SLC36A3: variants seen among roughly 807,000 people sequenced by gnomAD.
SLC36A3 encodes the protein proton-coupled amino acid transporter 3.
SLC36A3 carries 35 observed loss-of-function variants against 44.3 expected under a neutral mutation model. The ratio of observed to expected loss-of-function variants is 0.79; its 90% CI spans 0.60 to 1.05. SLC36A3 has a LOEUF of 1.05. SLC36A3 is among the 50% of genes least tolerant of loss of function. SLC36A3 has a pLI of 0.00. For synonymous variants in SLC36A3, 211 were observed against 227.6 expected (o/e 0.93, Z 0.66); for missense variants, 540 against 578.7 (o/e 0.93, Z 0.69).
At chr5:151,283,709 A>G (rs977927316) in intron 8 of SLC36A3, among the ~76,000 whole-genome samples, 1 of 152,262 alleles carries the variant, frequency 6.6e-6, no homozygotes, top group African/African-American at 2.4e-5. Context: ...GCTAACGCTC[A>G]TGAATGCTTA....
intron 3 of SLC36A3, among the ~76,000 whole-genome samples, chr5:151,294,356 G>T (rs1754881526): frequency 6.6e-6 from 1 of 152,214 alleles, no homozygotes; most frequent in African/African-American, 2.4e-5. Flanking sequence ...GAATCTGAGG[G>T]TTGCAAATTC....
In SLC36A3 at chr5:151,277,593, C is replaced by T. The variant is rs150493934; in HGVS notation, c.1213G>A (p.Ala405Thr). ...ISLVGSVSSS[A>T]LALIIPALLE... ...AGGGCTGGGATGATGAGAGCCAGGG[C>T]GCTGCTGCTCACGGAGCCTACCAGG... The change falls in exon 10 of 10, where the codon GCC becomes ACC. Residue 405 changes from alanine to threonine, a missense_variant. By Grantham distance (58) the Ala-to-Thr change is moderately conservative. Coordinates refer to ENST00000335230, the MANE Select transcript of SLC36A3 (RefSeq NM_181774.4). 3.7e-5 allele frequency: 60 copies of T among 1,614,032 alleles called. No homozygotes were observed. Among genetic ancestry groups the T allele is most frequent in the Non-Finnish European group, 4.2e-5 (50 of 1,180,038 alleles).
chr5:151,303,309 C>A lies in SLC36A3; in HGVS notation c.46G>T (p.Asp16Tyr). ...RDYNSELNSL[D>Y]NGPQSPSESS... is the part of the protein sequence containing the mutation. ...TCTGAGGGTGACTGAGGTCCGTTGT[C>A]CAAGGAGTTCAGCTCACTGTTGTAG... Residue 16 changes from aspartate (D) to tyrosine (Y), a missense_variant, in exon 1 of 10, where the codon GAC becomes TAC. By Grantham distance (160) the Asp-to-Tyr change is radical. Transcript: ENST00000335230. 6.2e-7 allele frequency: 1 copy of A among 1,614,092 alleles called. No individual in the cohort carries two copies. The highest frequency in any genetic ancestry group is 1.1e-5 in the South Asian group (1 of 91,068).
intron 8 of SLC36A3, among the ~76,000 whole-genome samples, chr5:151,283,776 C>A (rs147285101): frequency 1.3e-5 from 2 of 152,356 alleles, no homozygotes; most frequent in South Asian, 4.1e-4. Context: ...TTAATCCCCA[C>A]GGTCACTGCA....
At chr5:151,283,117 C>A (rs934106735) in intron 8 of SLC36A3, among the ~76,000 whole-genome samples, 1 of 152,134 alleles carries the variant, frequency 6.6e-6, no homozygotes, top group African/African-American at 2.4e-5. Flanking sequence ...AACTCCTGAC[C>A]TCAGGTGATC....
At position 151,283,892 on chromosome 5, in the gene SLC36A3, C is replaced by G. The variant is rs563555845; in HGVS notation, c.974+152G>C. Reference sequence around the variant, plus strand: ...GAGTGAGGTGCGGCCATGTGGCTTGCTTTGACTGATGCAGTGTGAGCAGGA... The same window carrying G: ...GAGTGAGGTGCGGCCATGTGGCTTGGTTTGACTGATGCAGTGTGAGCAGGA... On this transcript the variant is annotated intron_variant, in intron 8 of 9. Coordinates refer to ENST00000335230, the MANE Select transcript of SLC36A3 (RefSeq NM_181774.4). 73 of 961,866 alleles carry G rather than the reference C, an allele frequency of 7.6e-5. No homozygotes were observed. The African/African-American group carries it at 1.2e-3, about 15-fold the overall frequency. 59.6% of individuals were successfully genotyped at this position (961,866 alleles called of 1,614,324 possible).
chr5:151,276,499 T>A lies in SLC36A3; in HGVS notation c.*894A>T, dbSNP rs1580797585. Among the ~76,000 whole-genome samples, 3 of 152,386 alleles carry A rather than the reference T, an allele frequency of 2.0e-5. No individual in the cohort carries two copies. The highest frequency in any genetic ancestry group is 4.1e-4 in the South Asian group (2 of 4,830). On this transcript the variant is annotated 3_prime_UTR_variant, in exon 10 of 10. Coordinates refer to ENST00000335230, the MANE Select transcript of SLC36A3 (RefSeq NM_181774.4). ...CATCACAATTTATTTATCCATTCTC[T>A]TGTTTATAGACATTTAGAGTATTTC...
chr5:151,303,537 C>A lies in SLC36A3; in HGVS notation c.-183G>T. 1.8e-6 allele frequency: 1 copy of A among 562,196 alleles called. No homozygotes were observed. The highest frequency in any genetic ancestry group is 3.0e-6 in the Non-Finnish European group (1 of 331,010). The allele number at this position is 562,196 out of a possible 1,614,324, so 34.8% of individuals were successfully genotyped here. A position where few individuals can be genotyped will look rare whatever the true frequency, so the allele number is the denominator to read the frequency against. On this transcript the variant is annotated 5_prime_UTR_variant, in exon 1 of 10. Transcript: ENST00000335230. ...AGGGAAGCGGTGGTGGCAGGAGAGG[C>A]TGATGTTGATGATGCCTCACCTGGC... is the stretch of plus-strand genomic sequence containing the variant.
chr5:151,285,606 A>G (rs1754507960), intron 6 of SLC36A3, among the ~76,000 whole-genome samples: 1 of 152,196 alleles, frequency 6.6e-6, no homozygotes, highest in Non-Finnish European at 1.5e-5. Context: ...CTAATCCCCA[A>G]AAGATGAGAG....
At position 151,277,585 on chromosome 5, in the gene SLC36A3, A is replaced by G; in HGVS notation, c.1221T>C (p.Ala407=). The change falls in exon 10 of 10, where the codon GCT becomes GCC. Residue 407 remains alanine, a synonymous_variant. Coordinates refer to ENST00000335230, the MANE Select transcript of SLC36A3 (RefSeq NM_181774.4). The part of the protein sequence containing the change: ...LVGSVSSSAL[A]LIIPALLEIV... The stretch of plus-strand genomic sequence containing the variant: ...TCTCCAGGAGGGCTGGGATGATGAG[A>G]GCCAGGGCGCTGCTGCTCACGGAGC... 1 of 1,614,198 alleles carries G rather than the reference A, an allele frequency of 6.2e-7. No individual in the cohort carries two copies. The highest frequency in any genetic ancestry group is 1.1e-5 in the South Asian group (1 of 91,084).
At position 151,303,215 on chromosome 5, in the gene SLC36A3, G is replaced by A. The variant is rs1277357800; in HGVS notation, c.128+12C>T. 2 of 1,608,344 alleles carry A rather than the reference G, an allele frequency of 1.2e-6. No individual in the cohort carries two copies. The highest frequency in any genetic ancestry group is 1.3e-5 in the African/African-American group (1 of 74,962). On this transcript the variant is annotated intron_variant, in intron 1 of 9. Transcript: ENST00000335230. The stretch of plus-strand genomic sequence containing the variant: ...TTGACCTCAGGCCTGGAAGGGCGGT[G>A]CGGCCACTTACGATAGTCCAGCTTC...
rs146417727 is a variant in SLC36A3, at chr5:151,285,984, C to T, written c.708+1262G>A. On this transcript the variant is annotated intron_variant, in intron 6 of 9. Transcript: ENST00000335230. ...AAAATAAATTTGTGTTTTTTCAAGC[C>T]ACTAGATTTGTGGTAATTTATCACA... 9.9e-5 allele frequency among the ~76,000 whole-genome samples: 15 copies of T among 152,190 alleles called. No homozygotes were observed. In the East Asian group the frequency reaches 2.9e-3, roughly 29 times the overall value.
At chr5:151,290,656 AAGGCCG>A (rs1754724273) in intron 4 of SLC36A3, among the ~76,000 whole-genome samples, 1 of 152,108 alleles carries the variant, frequency 6.6e-6, no homozygotes, top group South Asian at 2.1e-4. Flanking sequence ...ACCACTTTGC[AAGGCCG>A]AGGCGGGCGG....
intron 4 of SLC36A3, 91 bp from the exon 5 acceptor site, chr5:151,288,561 G>A: frequency 3.8e-6 from 4 of 1,051,704 alleles, no homozygotes; most frequent in Non-Finnish European, 5.2e-6. Context: ...AATTATTTTT[G>A]TTATTATTTT....
chr5:151,287,385 C>T lies in SLC36A3; in HGVS notation c.569G>A (p.Arg190His), dbSNP rs17660042. 64,119 of 1,614,070 alleles carry T rather than the reference C, an allele frequency of 0.04. 1,461 individuals carry two copies. The highest frequency in any genetic ancestry group is 0.044 in the Non-Finnish European group (51,967 of 1,180,002). Residue 190 changes from arginine to histidine, a missense_variant, in exon 6 of 10, where the codon CGT becomes CAT. Coordinates refer to ENST00000335230, the MANE Select transcript of SLC36A3 (RefSeq NM_181774.4). ...GGGCAGGATTATCAGCATGTAGAAA[C>T]GAATGTCCAGGATGGGGGTCAGCGT... Reference protein sequence around the residue: ...ILTLTPILDIRFYMLIILPFL... With the variant: ...ILTLTPILDIHFYMLIILPFL...
At chr5:151,292,913 G>A (rs1391932662) in intron 4 of SLC36A3, among the ~76,000 whole-genome samples, 1 of 152,184 alleles carries the variant, frequency 6.6e-6, no homozygotes, top group African/African-American at 2.4e-5. Context: ...GAACCCAGGA[G>A]GCGGAGGTTG....
At chr5:151,299,244 C>CTATA in intron 1 of SLC36A3, among the ~76,000 whole-genome samples, 1 of 91,548 alleles carries the variant, frequency 1.1e-5, no homozygotes, top group Non-Finnish European at 2.1e-5. Flanking sequence ...CTCTCTCTCT[C>CTATA]TCTCTCTCTC....
intron 6 of SLC36A3, among the ~76,000 whole-genome samples, chr5:151,285,763 G>A (rs1158561403): frequency 6.6e-6 from 1 of 152,200 alleles, no homozygotes; most frequent in African/African-American, 2.4e-5. Context: ...AGAAGGGGAA[G>A]ATCAGAGGGA....
At chr5:151,294,374 A>T (rs1188159821) in intron 3 of SLC36A3, among the ~76,000 whole-genome samples, 1 of 152,182 alleles carries the variant, frequency 6.6e-6, no homozygotes, top group Non-Finnish European at 1.5e-5. Context: ...TTCAGAAGCT[A>T]TGGGATCAGA....
Sources: allele counts gnomAD v4.1 joint callset (sites outside exome capture counted in the v4.1 genomes callset), GRCh38; gene constraint gnomAD v4.1.1; transcripts MANE v1.5; gene names NCBI Gene and HGNC (gene_info 2026-07-23, HGNC 2026-07-21).